Variants in NIBAN2 observed in about 807,000 individuals in gnomAD.
NIBAN2 encodes the protein protein Niban 2.
A neutral mutation model predicts 81.8 loss-of-function variants in NIBAN2; 36 were observed. The observed-to-expected ratio is 0.44, with a 90% confidence interval of 0.34 to 0.58. The LOEUF (loss-of-function observed/expected upper bound fraction) is 0.58. NIBAN2 is among the 20% of genes least tolerant of loss of function. The probability of loss-of-function intolerance (pLI) is 0.02; values close to 1 mark genes in which losing one functional copy is unlikely to be tolerated. For missense variants in NIBAN2, 897 were observed against 1,014.1 expected (o/e 0.88, Z 1.57); for synonymous variants, 445 against 441.6 (o/e 1.01, Z -0.10).
Position 127,536,261 on chromosome 9 carries a change from C to G in NIBAN2, c.56-4483G>C, listed in dbSNP as rs1469883687. Among the ~76,000 whole-genome samples the G allele has an allele frequency of 1.3e-5, 2 of 152,184 alleles. No individual in the cohort carries two copies. The highest frequency in any genetic ancestry group is 2.9e-5 in the Non-Finnish European group (2 of 68,028). On this transcript the variant is annotated intron_variant, in intron 1 of 13. Coordinates refer to ENST00000373312, the MANE Select transcript of NIBAN2 (RefSeq NM_022833.4). This position sits in a 1 kb window ranked among gnomAD's most constrained non-coding sequence, Gnocchi z 4.0. ...CCAGAGGGACCCAAAAGGCCAGCAG[C>G]ATTGGGAGGGGGCCAGCCTGGACAA...
chr9:127,520,067 C>T (rs956661928), intron 5 of NIBAN2, among the ~76,000 whole-genome samples: 3 of 152,154 alleles, frequency 2.0e-5, no homozygotes, highest in African/African-American at 7.2e-5. Flanking sequence ...TCTTTCTGCA[C>T]ACCCAGCCGC....
At chr9:127,549,418 C>T (rs149694925) in intron 1 of NIBAN2, among the ~76,000 whole-genome samples, 14 of 152,238 alleles carry the variant, frequency 9.2e-5, no homozygotes, top group South Asian at 4.1e-4. Flanking sequence ...CACGCCCACA[C>T]GCATGCACTC....
intron 5 of NIBAN2, among the ~76,000 whole-genome samples, chr9:127,522,712 C>T (rs1336346705): frequency 6.6e-6 from 1 of 151,972 alleles, no homozygotes; most frequent in Non-Finnish European, 1.5e-5. Flanking sequence ...ACACTCCTCC[C>T]CTCTCCTCTA....
rs1025416544 is a variant in NIBAN2 at position 127,563,938 on chromosome 9, A to G, written c.55+4882T>C. 2.6e-5 allele frequency among the ~76,000 whole-genome samples: 4 copies of G among 152,216 alleles called. No individual in the cohort carries two copies. Among genetic ancestry groups the G allele is most frequent in the African/African-American group, 9.6e-5 (4 of 41,460 alleles). ...ATGAAAATGCTCAATGCTAAGGTCC[A>G]TCTTAGCAGGAGAGTGTCAAACGCC... On this transcript the variant is annotated intron_variant, in intron 1 of 13. Coordinates refer to ENST00000373312, the MANE Select transcript of NIBAN2 (RefSeq NM_022833.4). This position sits in a 1 kb window ranked among gnomAD's most constrained non-coding sequence, Gnocchi z 4.1.
chr9:127,573,987 C>T (rs1182291602), upstream of NIBAN2, among the ~76,000 whole-genome samples: 1 of 152,130 alleles, frequency 6.6e-6, no homozygotes, highest in African/African-American at 2.4e-5. Context: ...AAATTTATAT[C>T]CTCTGCCTGC....
intron 1 of NIBAN2, among the ~76,000 whole-genome samples, chr9:127,568,570 G>C (rs1244995232): frequency 6.6e-6 from 1 of 152,020 alleles, no homozygotes; most frequent in Non-Finnish European, 1.5e-5. Flanking sequence ...GGCTCCGAAG[G>C]GGTTCCGGGA....
At chr9:127,565,499 G>C (rs1356817191) in intron 1 of NIBAN2, among the ~76,000 whole-genome samples, 2 of 152,084 alleles carry the variant, frequency 1.3e-5, no homozygotes, top group East Asian at 3.9e-4. Flanking sequence ...CCTCAATAAA[G>C]CTATTATTTT....
chr9:127,520,289 A>G (rs866073663), intron 5 of NIBAN2, among the ~76,000 whole-genome samples: 185 of 129,666 alleles, frequency 1.4e-3, no homozygotes, highest in African/African-American at 4.9e-3. Context: ...CCCAGGCTGG[A>G]GTTCAGTGGT....
At chr9:127,577,201 G>A (rs1400355804) in intron 1 of NIBAN2, among the ~76,000 whole-genome samples, 11 of 151,938 alleles carry the variant, frequency 7.2e-5, no homozygotes, top group Non-Finnish European at 1.2e-4. Context: ...CCAGCTACTC[G>A]GGAGGCTGAG....
chr9:127,566,349 C>G (rs1837859071), intron 1 of NIBAN2, among the ~76,000 whole-genome samples: 1 of 152,132 alleles, frequency 6.6e-6, no homozygotes, highest in East Asian at 1.9e-4. Context: ...TCAGGCCTCC[C>G]AGATCCCAGG....
rs373901485 is a variant in NIBAN2, at chr9:127,523,698, G to A, written c.570C>T (p.Cys190=). ...QDKWQAVLQD[C]IRHCNNGIPE... ...ACTCACCATTGTTGCAGTGCCGGATGCAGTCCTGCAGCACAGCCTGCCACT... is the reference window on the plus strand; with the variant it reads ...ACTCACCATTGTTGCAGTGCCGGATACAGTCCTGCAGCACAGCCTGCCACT... Residue 190 remains cysteine, a synonymous_variant, in exon 5 of 14, where the codon TGC becomes TGT. Transcript: ENST00000373312. 8 of 1,612,700 alleles carry A rather than the reference G, an allele frequency of 5.0e-6. No homozygotes were observed. The African/African-American group carries it at 6.7e-5, about 13-fold the overall frequency.
intron 1 of NIBAN2, among the ~76,000 whole-genome samples, chr9:127,574,400 G>A (rs926166551): frequency 3.3e-5 from 5 of 152,248 alleles, no homozygotes; most frequent in Non-Finnish European, 7.4e-5. Flanking sequence ...ATATTTGGAA[G>A]CAGGGATCCA....
rs182209904 is a variant in NIBAN2 at position 127,549,391 on chromosome 9, G to A, written c.56-17613C>T. On this transcript the variant is annotated intron_variant, in intron 1 of 13. Transcript: ENST00000373312. The stretch of plus-strand genomic sequence containing the variant: ...CACTCACATGTGCATGCACATGCAC[G>A]CACACACACTCACATGCACGCCCAC... Among the ~76,000 whole-genome samples the A allele has an allele frequency of 1.9e-4, 28 of 150,720 alleles. No homozygotes were observed. In the East Asian group the frequency reaches 2.5e-3, roughly 14 times the overall value.
At chr9:127,539,140 C>CA (rs577537821) in intron 1 of NIBAN2, among the ~76,000 whole-genome samples, 11 of 149,392 alleles carry the variant, frequency 7.4e-5, no homozygotes, top group Non-Finnish European at 8.9e-5. Flanking sequence ...TTGGGTCAGT[C>CA]AAAAAAAAAG....
intron 3 of NIBAN2, 26 bp downstream of exon 3, chr9:127,527,168 G>A: frequency 1.2e-6 from 2 of 1,610,062 alleles, no homozygotes; most frequent in South Asian, 1.1e-5. Flanking sequence ...GGGAGGCTCA[G>A]TGTGGCGCCC....
At chr9:127,520,757 G>A (rs949679002) in intron 5 of NIBAN2, among the ~76,000 whole-genome samples, 1 of 152,096 alleles carries the variant, frequency 6.6e-6, no homozygotes, top group African/African-American at 2.4e-5. Flanking sequence ...GGTGGCACAC[G>A]CCTGTAGTCC....
intron 8 of NIBAN2, among the ~76,000 whole-genome samples, chr9:127,513,306 G>A (rs1836769289): frequency 6.6e-6 from 1 of 152,152 alleles, no homozygotes; most frequent in Non-Finnish European, 1.5e-5. Flanking sequence ...GGGTAGTCGA[G>A]GGCGAGGGGG....
chr9:127,508,404 G>C lies in NIBAN2; in HGVS notation c.1434+18C>G, dbSNP rs2277194. 184,224 of 1,586,882 alleles carry C rather than the reference G, an allele frequency of 0.12. 14,418 individuals are homozygous for C. The highest frequency in any genetic ancestry group is 0.39 in the Admixed American group (23,316 of 59,884). ...GCCTCGCCTAGGACGGTCCGGGGCA[G>C]GGCGTGGGGCCGCTCACCTTCAGCA... On this transcript the variant is annotated intron_variant, in intron 11 of 13. Transcript: ENST00000373312. The surrounding 1 kb of genome is among the most constrained non-coding windows in gnomAD (Gnocchi z 6.4).
chr9:127,570,686 T>C (rs1450214090), upstream of NIBAN2, among the ~76,000 whole-genome samples: 1 of 152,156 alleles, frequency 6.6e-6, no homozygotes, highest in Non-Finnish European at 1.5e-5. Context: ...GAACTGGAAG[T>C]TGAAAAACAA....
Sources: allele counts gnomAD v4.1 joint callset (sites outside exome capture counted in the v4.1 genomes callset), GRCh38; gene constraint gnomAD v4.1.1; non-coding constraint Gnocchi (gnomAD v3.1); transcripts MANE v1.5; gene names NCBI Gene and HGNC (gene_info 2026-07-23, HGNC 2026-07-21).